The following ACSL3 variants were observed in gnomAD, a reference collection of about 807,000 sequenced individuals.
ACSL3 encodes the protein acyl-CoA synthetase long chain family member 3.
A neutral mutation model predicts 84.7 loss-of-function variants in ACSL3; 34 were observed. That is an observed-to-expected ratio of 0.40 (90% CI 0.31 to 0.53). The LOEUF is 0.53. ACSL3 is among the 20% of genes least tolerant of loss of function. The pLI is 0.48. For synonymous variants in ACSL3, 315 were observed against 299.4 expected (o/e 1.05, Z -0.54); for missense variants, 680 against 873.1 (o/e 0.78, Z 2.79).
chr2:222,933,446 T>G (rs1045340723), intron 15 of ACSL3, 166 bp downstream of exon 15: 7 of 526,452 alleles, frequency 1.3e-5, no homozygotes, highest in East Asian at 6.3e-5. Context: ...CTCTTTTCCT[T>G]GTAAGGCTTC....
chr2:222,880,846 CAAAAA>C (rs987596069), intron 1 of ACSL3, among the ~76,000 whole-genome samples: 3 of 142,636 alleles, frequency 2.1e-5, no homozygotes, highest in African/African-American at 5.3e-5. Flanking sequence ...AAAAAAAAAA[CAAAAA>C]AAAACCTGTC....
intron 12 of ACSL3, 108 bp from the exon 13 acceptor site, chr2:222,928,754 T>C (rs896175630): frequency 4.4e-6 from 4 of 915,826 alleles, no homozygotes; most frequent in Non-Finnish European, 6.9e-6. Flanking sequence ...AAGGAATAGC[T>C]GGGGATACCT....
chr2:222,892,410 G>A (rs925268203), intron 2 of ACSL3, among the ~76,000 whole-genome samples: 1 of 152,164 alleles, frequency 6.6e-6, no homozygotes, highest in African/African-American at 2.4e-5. Context: ...GTGAGAACCA[G>A]GGTGCCCCTC....
chr2:222,864,195 G>T (rs1024993279), intron 1 of ACSL3, among the ~76,000 whole-genome samples: 11 of 152,302 alleles, frequency 7.2e-5, no homozygotes, highest in African/African-American at 2.6e-4. Flanking sequence ...AACTGGTAGA[G>T]AACTAGGTTC....
intron 11 of ACSL3, among the ~76,000 whole-genome samples, chr2:222,925,064 C>T (rs528080799): frequency 3.3e-5 from 5 of 151,030 alleles, no homozygotes; most frequent in African/African-American, 7.3e-5. Flanking sequence ...TGGCTGAACA[C>T]GGTGGCTCAC....
intron 13 of ACSL3, among the ~76,000 whole-genome samples, chr2:222,930,388 G>A (rs1171818797): frequency 6.6e-6 from 1 of 152,142 alleles, no homozygotes; most frequent in Non-Finnish European, 1.5e-5. Context: ...GGGTTTTAGA[G>A]TTTAATTTTT....
chr2:222,890,490 C>G (rs1695817469), intron 2 of ACSL3, among the ~76,000 whole-genome samples: 1 of 152,164 alleles, frequency 6.6e-6, no homozygotes, highest in Non-Finnish European at 1.5e-5. Context: ...GCTGTCTTCT[C>G]TCAAATATGC....
intron 2 of ACSL3, among the ~76,000 whole-genome samples, chr2:222,889,746 A>G (rs1405379059): frequency 1.3e-5 from 2 of 152,192 alleles, no homozygotes; most frequent in African/African-American, 4.8e-5. Context: ...GATGTTTCTC[A>G]TAGCTACTTA....
rs761946654 is a variant in ACSL3 at position 222,941,702 on chromosome 2, G to A, written c.*48G>A. The A allele has an allele frequency of 1.0e-5, 16 of 1,540,840 alleles. No homozygotes were observed. In the East Asian group the frequency reaches 3.3e-4, roughly 31 times the overall value. On this transcript the variant is annotated 3_prime_UTR_variant, in exon 17 of 17. Coordinates refer to ENST00000357430, the MANE Select transcript of ACSL3 (RefSeq NM_004457.5). ...TGCTACAGTGAGCTCAGATCAAATA[G>A]GAAAATACTTGAAATGCATGTCTCA...
chr2:222,918,372 T>C (rs1054429072), intron 6 of ACSL3, among the ~76,000 whole-genome samples: 14 of 152,124 alleles, frequency 9.2e-5, no homozygotes, highest in African/African-American at 2.4e-4. Context: ...TTAAGATGCC[T>C]ATGTTTAAAT....
rs746095509 is a variant in ACSL3, at chr2:222,911,727, G to C, written c.378+2577G>C. Among the ~76,000 whole-genome samples the C allele has an allele frequency of 3.3e-5, 5 of 152,328 alleles. No homozygotes were observed. The South Asian group carries it at 1.0e-3, about 32-fold the overall frequency. ...AATATGAAATTTCTTCCTAATTCGT[G>C]TATCAGTATAACTGGACAAAATAAA... On this transcript the variant is annotated intron_variant, in intron 4 of 16. Transcript: ENST00000357430.
At position 222,909,074 on chromosome 2, in the gene ACSL3, A is replaced by T. The variant is rs774165754; in HGVS notation, c.302A>T (p.Asn101Ile). The T allele has an allele frequency of 3.7e-6, 6 of 1,611,754 alleles. No homozygotes were observed. The Admixed American group carries it at 1.0e-4, about 27-fold the overall frequency. ...ACATATGCAAAAAACAAATTTAAGA[A>T]CAAAAGACTCTTGGGAACACGTGAA... ...VFTYAKNKFK[N>I]KRLLGTREVL... The change falls in exon 4 of 17, where the codon AAC becomes ATC. Residue 101 changes from asparagine (N) to isoleucine (I), a missense_variant. By Grantham distance (149) the Asn-to-Ile change is moderately radical (BLOSUM62 -3). Coordinates refer to ENST00000357430, the MANE Select transcript of ACSL3 (RefSeq NM_004457.5).
At chr2:222,874,984 G>T (rs533268778) in intron 1 of ACSL3, among the ~76,000 whole-genome samples, 1 of 151,776 alleles carries the variant, frequency 6.6e-6, no homozygotes, top group Admixed American at 6.6e-5. Flanking sequence ...TAGAATTGAA[G>T]AATTAAAAAT....
At chr2:222,909,184 C>A in intron 4 of ACSL3, 34 bp downstream of exon 4, 1 of 1,567,024 alleles carries the variant, frequency 6.4e-7, no homozygotes, top group South Asian at 1.2e-5. Context: ...TGAATTCTTT[C>A]GAATAAAATA....
chr2:222,906,183 C>G (rs1175441032), intron 3 of ACSL3, among the ~76,000 whole-genome samples: 1 of 152,198 alleles, frequency 6.6e-6, no homozygotes, highest in Non-Finnish European at 1.5e-5. Context: ...AGCTATTACA[C>G]TGAGGTTTGT....
rs752118013 is a variant in ACSL3 at position 222,921,291 on chromosome 2, C to A, written c.817C>A (p.His273Asn). The A allele has an allele frequency of 1.3e-6, 2 of 1,594,280 alleles. No individual in the cohort carries two copies. The highest frequency in any genetic ancestry group is 2.2e-5 in the South Asian group (2 of 90,178). The change falls in exon 8 of 17, where the codon CAT becomes AAT. Residue 273 changes from histidine (H) to asparagine (N), a missense_variant. By Grantham distance (68) the His-to-Asn change is moderately conservative. Coordinates refer to ENST00000357430, the MANE Select transcript of ACSL3 (RefSeq NM_004457.5). ...TCTCTTCAATGCAGAAAACCAACCT[C>A]ATAGCAAACCATTGCCCTCAGATAT... ...GAKASMENQP[H>N]SKPLPSDIAV...
chr2:222,885,481 C>T (rs1220995846), intron 1 of ACSL3, among the ~76,000 whole-genome samples: 1 of 152,082 alleles, frequency 6.6e-6, no homozygotes, highest in East Asian at 1.9e-4. Context: ...AGGTAATAAA[C>T]AATGTGGAAT....
chr2:222,884,633 CCT>C (rs1255099386), intron 1 of ACSL3, among the ~76,000 whole-genome samples: 4 of 152,148 alleles, frequency 2.6e-5, no homozygotes, highest in African/African-American at 9.7e-5. Flanking sequence ...TCTCCTTCTG[CCT>C]CTCTATTTAT....
rs376965361 is a variant in ACSL3 at position 222,906,285 on chromosome 2, T to C, written c.-40-2448T>C. Among the ~76,000 whole-genome samples, 584 of 152,338 alleles carry C rather than the reference T, an allele frequency of 3.8e-3. 2 individuals carry two copies. The highest frequency in any genetic ancestry group is 0.02 in the Middle Eastern group (6 of 294). ...ACCCTGGACTGCCCTTCTTGAGAGA[T>C]GATAGCCGATTTTCAGCAGGGCTTT... On this transcript the variant is annotated intron_variant, in intron 3 of 16. Transcript: ENST00000357430.
Sources: allele counts gnomAD v4.1 joint callset (sites outside exome capture counted in the v4.1 genomes callset), GRCh38; gene constraint gnomAD v4.1.1; transcripts MANE v1.5; gene names NCBI Gene and HGNC (gene_info 2026-07-23, HGNC 2026-07-21).